Variants in LRRIQ3 observed in about 807,000 individuals in gnomAD.
The protein encoded by LRRIQ3 is leucine-rich repeat and IQ domain-containing protein 3.
LRRIQ3 carries 75 observed loss-of-function variants against 59.3 expected under a neutral mutation model. That is an observed-to-expected ratio of 1.26 (90% confidence interval 1.05 to 1.53). The LOEUF is 1.53. LRRIQ3 is among the 40% of genes most tolerant of loss of function. The probability of loss-of-function intolerance (pLI) is 0.00; values close to 1 mark genes in which losing one functional copy is unlikely to be tolerated. For synonymous variants in LRRIQ3, 250 were observed against 231.3 expected, an observed-to-expected ratio of 1.08 and a Z score of -0.73; for missense variants, 831 against 710.0, an observed-to-expected ratio of 1.17 and a Z score of -1.94.
At chr1:74,171,356 A>C (rs1170336505) in intron 3 of LRRIQ3, among the ~76,000 whole-genome samples, 4 of 152,118 alleles carry the variant, frequency 2.6e-5, no homozygotes, top group African/African-American at 9.7e-5. Context: ...TTAATCATAA[A>C]AGGTGTTGAA....
rs572916577 is a variant in LRRIQ3, at chr1:74,041,724, T to A, written c.1207A>T (p.Ser403Cys). 96 of 1,613,716 alleles carry A rather than the reference T, an allele frequency of 5.9e-5. 1 individual carries two copies. The South Asian group carries it at 9.0e-4, about 15-fold the overall frequency. Reference protein sequence around the residue: ...IIKKDIRLERSMKEFFAPQRA... With the variant: ...IIKKDIRLERCMKEFFAPQRA... ...TGTGGTGCAAAAAACTCTTTCATAC[T>A]CCGCTCCAATCGTATGTCTTTTTTA... Residue 403 changes from serine to cysteine, a missense_variant, in exon 7 of 8, where the codon AGT (serine) becomes TGT (cysteine). By Grantham distance (112) the Ser-to-Cys change is moderately radical. Coordinates refer to ENST00000354431, the MANE Select transcript of LRRIQ3 (RefSeq NM_001105659.2).
chr1:74,058,364 A>G lies in LRRIQ3; in HGVS notation c.997+16297T>C, dbSNP rs139812364. 3.8e-3 allele frequency among the ~76,000 whole-genome samples: 577 copies of G among 152,244 alleles called. 5 individuals are homozygous for G. The highest frequency in any genetic ancestry group is 0.013 in the African/African-American group (548 of 41,570). Reference sequence around the variant, plus strand: ...TGGATAATGAAAATGTGGTATATATACACAATGGAATATTATGCAGAAATA... The same window carrying G: ...TGGATAATGAAAATGTGGTATATATGCACAATGGAATATTATGCAGAAATA... On this transcript the variant is annotated intron_variant, in intron 6 of 7. Transcript: ENST00000354431.
chr1:74,053,127 G>A (rs1406403487), intron 6 of LRRIQ3, among the ~76,000 whole-genome samples: 1 of 131,310 alleles, frequency 7.6e-6, no homozygotes, highest in African/African-American at 2.8e-5. Context: ...ACAATGAAGT[G>A]AGACAGTCTT....
chr1:74,139,709 A>G (rs2100633714), intron 4 of LRRIQ3, among the ~76,000 whole-genome samples: 1 of 152,080 alleles, frequency 6.6e-6, no homozygotes, highest in South Asian at 2.1e-4. Flanking sequence ...AATACTGACT[A>G]TATAAAAATA....
chr1:74,071,357 A>G (rs1479580698), intron 6 of LRRIQ3, among the ~76,000 whole-genome samples: 1 of 152,120 alleles, frequency 6.6e-6, no homozygotes, highest in East Asian at 1.9e-4. Flanking sequence ...AAATAAACAC[A>G]GAGTCTGTAA....
chr1:74,041,151 T>C, intron 7 of LRRIQ3, 62 bp downstream of exon 7: 1 of 1,324,694 alleles, frequency 7.5e-7, no homozygotes, highest in Non-Finnish European at 1.0e-6. Context: ...TCTTAAAATT[T>C]AGCATGCAAT....
intron 3 of LRRIQ3, among the ~76,000 whole-genome samples, chr1:74,175,992 C>T (rs1649614523): frequency 6.6e-6 from 1 of 152,130 alleles, no homozygotes; most frequent in African/African-American, 2.4e-5. Context: ...TTTTTGCTTA[C>T]ACAGTATTTA....
chr1:74,170,048 TAA>T (rs1388821505), intron 3 of LRRIQ3, among the ~76,000 whole-genome samples: 4 of 152,180 alleles, frequency 2.6e-5, no homozygotes, highest in Non-Finnish European at 4.4e-5. Context: ...TATTAAGGTA[TAA>T]GAGTTCCTTA....
intron 4 of LRRIQ3, among the ~76,000 whole-genome samples, chr1:74,119,520 C>T (rs970239026): frequency 6.6e-6 from 1 of 152,046 alleles, no homozygotes; most frequent in Non-Finnish European, 1.5e-5. Context: ...CAGTCTCCCC[C>T]ACAACAACGT....
rs537656795 is a variant in LRRIQ3, at chr1:74,078,666, C to T, written c.868-3876G>A. 2.6e-5 allele frequency: 4 copies of T among 151,930 alleles called. No individual in the cohort carries two copies. The South Asian group carries it at 8.3e-4, about 32-fold the overall frequency. 9.4% of individuals were successfully genotyped at this position (151,930 alleles called of 1,614,324 possible). A position where few individuals can be genotyped will look rare whatever the true frequency, so the allele number is the denominator to read the frequency against. ...AGCAATAGTTTTACCATATTCACTT[C>T]TGAAGAACTATGTCAGATCAGGAAA... On this transcript the variant is annotated intron_variant, in intron 5 of 7. Transcript: ENST00000354431.
At position 74,026,339 on chromosome 1, in the gene LRRIQ3, A is replaced by G. The variant is rs974798909; in HGVS notation, c.*474T>C. ...GACAAAATATTGAAACCATACTTTA[A>G]AAAATAAATTCAGAAATTGTTTTAA... On this transcript the variant is annotated 3_prime_UTR_variant, in exon 8 of 8. Coordinates refer to ENST00000354431, the MANE Select transcript of LRRIQ3 (RefSeq NM_001105659.2). 2 of 152,184 alleles carry G rather than the reference A, an allele frequency of 1.3e-5. No homozygotes were observed. Among genetic ancestry groups the G allele is most frequent in the African/African-American group, 4.8e-5 (2 of 41,438 alleles). The allele number at this position is 152,184 out of a possible 1,614,324, so 9.4% of individuals were successfully genotyped here.
chr1:74,124,892 GAA>G (rs1646913540), intron 4 of LRRIQ3, among the ~76,000 whole-genome samples: 1 of 151,692 alleles, frequency 6.6e-6, no homozygotes, highest in Non-Finnish European at 1.5e-5. Context: ...CTATTTCTGT[GAA>G]GAATGTCATT....
intron 7 of LRRIQ3, among the ~76,000 whole-genome samples, chr1:74,034,814 A>G (rs906181661): frequency 1.3e-5 from 2 of 152,002 alleles, no homozygotes; most frequent in Admixed American, 1.3e-4. Context: ...TTTTTTATTT[A>G]AAACTTCTTT....
chr1:74,133,443 C>A (rs1190417317), intron 4 of LRRIQ3, among the ~76,000 whole-genome samples: 1 of 151,894 alleles, frequency 6.6e-6, no homozygotes, highest in East Asian at 1.9e-4. Context: ...TTCACAATAG[C>A]AAAGACTTGG....
chr1:74,134,453 G>C (rs181803864), intron 4 of LRRIQ3, among the ~76,000 whole-genome samples: 28 of 152,008 alleles, frequency 1.8e-4, no homozygotes, highest in Admixed American at 1.3e-3. Context: ...TTCACAGGAA[G>C]AAAACATGAG....
chr1:74,138,701 G>T (rs1379305724), intron 4 of LRRIQ3, among the ~76,000 whole-genome samples: 1 of 151,932 alleles, frequency 6.6e-6, no homozygotes, highest in African/African-American at 2.4e-5. Context: ...AGTTATACTT[G>T]TAATGGGAGT....
At chr1:74,060,208 TC>T (rs1234318344) in intron 6 of LRRIQ3, among the ~76,000 whole-genome samples, 1 of 24,264 alleles carries the variant, frequency 4.1e-5, no homozygotes, top group African/African-American at 6.8e-5. Context: ...TTCTTCTTCT[TC>T]TTCTTCTTCT....
intron 6 of LRRIQ3, among the ~76,000 whole-genome samples, chr1:74,062,421 T>A (rs2100447261): frequency 6.6e-6 from 1 of 152,190 alleles, no homozygotes; most frequent in Middle Eastern, 3.4e-3. Flanking sequence ...CTGCCAAGGT[T>A]GTGGAGGAAA....
intron 5 of LRRIQ3, among the ~76,000 whole-genome samples, chr1:74,105,492 A>T (rs912165339): frequency 1.3e-5 from 2 of 151,868 alleles, no homozygotes; most frequent in African/African-American, 4.8e-5. Flanking sequence ...GCCTCAATTA[A>T]TCTATCCACC....
Sources: gnomAD v4.1 joint callset for allele counts (sites outside exome capture counted in the v4.1 genomes callset) on GRCh38, gnomAD v4.1.1 for gene constraint, MANE v1.5 for transcripts, NCBI Gene and HGNC (gene_info 2026-07-23, HGNC 2026-07-21) for gene names.